The following TP63 variants were observed in gnomAD, a reference collection of about 807,000 sequenced individuals.
TP63 encodes tumor protein 63.
A neutral mutation model predicts 82.8 loss-of-function variants in TP63; 17 were observed. That is an observed-to-expected ratio of 0.21 (90% CI 0.14 to 0.31). The LOEUF (loss-of-function observed/expected upper bound fraction) is 0.31. Among genes scored for constraint, TP63 ranks in the 10% least tolerant of loss-of-function variants. The pLI is 1.00. For synonymous variants in TP63, 330 were observed against 321.7 expected, an observed-to-expected ratio of 1.03 and a Z score of -0.28; for missense variants, 648 against 895.3, an observed-to-expected ratio of 0.72 and a Z score of 3.52.
At chr3:189,698,494 G>T (rs1717559805) in intron 1 of TP63, among the ~76,000 whole-genome samples, 1 of 152,078 alleles carries the variant, frequency 6.6e-6, no homozygotes, top group Non-Finnish European at 1.5e-5. Flanking sequence ...AATAGAGAAT[G>T]TAATGATACC....
intron 4 of TP63, among the ~76,000 whole-genome samples, chr3:189,837,586 C>A (rs1480564609): frequency 1.4e-5 from 2 of 146,436 alleles, no homozygotes; most frequent in African/African-American, 2.5e-5. Context: ...ATGTGAATTT[C>A]AAATAAACCA....
intron 1 of TP63, among the ~76,000 whole-genome samples, chr3:189,725,638 G>A (rs1049878370): frequency 2.6e-5 from 4 of 152,068 alleles, no homozygotes; most frequent in African/African-American, 9.7e-5. Context: ...GCAATATGGG[G>A]GCAGATGGTG....
intron 1 of TP63, among the ~76,000 whole-genome samples, chr3:189,654,473 T>C (rs1473042561): frequency 6.6e-6 from 1 of 152,298 alleles, no homozygotes; most frequent in East Asian, 1.9e-4. Flanking sequence ...TTAGGAATTT[T>C]ACTAAGGAGT....
intron 1 of TP63, among the ~76,000 whole-genome samples, chr3:189,667,596 A>G (rs1714515361): frequency 6.6e-6 from 1 of 152,086 alleles, no homozygotes; most frequent in Non-Finnish European, 1.5e-5. Context: ...AATCTTTACA[A>G]GCTCAGGAAG....
At position 189,896,346 on chromosome 3, in the gene TP63, A is replaced by G. The variant is rs982903163; in HGVS notation, c.*1844A>G. On this transcript the variant is annotated 3_prime_UTR_variant, in exon 14 of 14. Coordinates refer to ENST00000264731, the MANE Select transcript of TP63 (RefSeq NM_003722.5). ...AGAACCACACTTGAAACCTTTTTTT[A>G]TCGTTTTTGTATTTTCATGAAAATA... is the stretch of plus-strand genomic sequence containing the variant. 13 of 199,566 alleles carry G rather than the reference A, an allele frequency of 6.5e-5. No individual in the cohort carries two copies. The highest frequency in any genetic ancestry group is 3.4e-4 in the African/African-American group (13 of 37,726). The allele number at this position is 199,566 out of a possible 1,614,324, so 12.4% of individuals were successfully genotyped here.
chr3:189,827,404 G>C (rs1217017116), intron 4 of TP63, among the ~76,000 whole-genome samples: 1 of 152,116 alleles, frequency 6.6e-6, no homozygotes, highest in African/African-American at 2.4e-5. Context: ...AGAGGCAGTA[G>C]CTTTGACCTT....
intron 4 of TP63, among the ~76,000 whole-genome samples, chr3:189,841,880 T>C (rs979873561): frequency 6.6e-6 from 1 of 152,222 alleles, no homozygotes; most frequent in African/African-American, 2.4e-5. Context: ...TGGGTGCCAC[T>C]GCGTGAGGCT....
chr3:189,689,690 CTA>C (rs1448700828), intron 1 of TP63, among the ~76,000 whole-genome samples: 2 of 152,082 alleles, frequency 1.3e-5, no homozygotes, highest in East Asian at 3.9e-4. Context: ...TAACATTGGT[CTA>C]TGTCCTAGAT....
the TP63 span, among the ~76,000 whole-genome samples, chr3:189,601,305 T>C: frequency 6.6e-6 from 1 of 152,232 alleles, no homozygotes; most frequent in Non-Finnish European, 1.5e-5. Flanking sequence ...ATGTGCTCAT[T>C]TACTCTCCTT....
intron 4 of TP63, among the ~76,000 whole-genome samples, chr3:189,831,844 T>C (rs1175419556): frequency 2.9e-5 from 4 of 138,350 alleles, no homozygotes; most frequent in Non-Finnish European, 6.2e-5. Flanking sequence ...TTTTTTTTTT[T>C]TTTGAGACGG....
chr3:189,599,271 A>G, the TP63 span, among the ~76,000 whole-genome samples: 1 of 152,196 alleles, frequency 6.6e-6, no homozygotes, highest in African/African-American at 2.4e-5. Flanking sequence ...ATTTCTTGTT[A>G]CAACCAGCCA....
At chr3:189,703,334 T>A (rs1241325640) in intron 1 of TP63, among the ~76,000 whole-genome samples, 2 of 152,102 alleles carry the variant, frequency 1.3e-5, no homozygotes, top group African/African-American at 4.8e-5. Flanking sequence ...CTCAGGAGGC[T>A]GAGGCAGGAG....
At chr3:189,780,020 G>C (rs80271271) in intron 3 of TP63, among the ~76,000 whole-genome samples, 3,831 of 152,252 alleles carry the variant, frequency 0.025, 158 homozygotes, top group African/African-American at 0.086. Context: ...TGAGTAAAAT[G>C]TTAACGGAGA....
intron 1 of TP63, among the ~76,000 whole-genome samples, chr3:189,638,244 C>T (rs541038354): frequency 3.7e-4 from 56 of 152,214 alleles, no homozygotes; most frequent in African/African-American, 1.3e-3. Context: ...TAGAAAACTG[C>T]GTTTTGTTTT....
the TP63 span, among the ~76,000 whole-genome samples, chr3:189,615,426 T>A: frequency 6.6e-6 from 1 of 152,248 alleles, no homozygotes; most frequent in Admixed American, 6.5e-5. Flanking sequence ...CTCTCATTAT[T>A]TATAATTGCT....
the TP63 span, among the ~76,000 whole-genome samples, chr3:189,610,868 A>C: frequency 6.6e-6 from 1 of 152,196 alleles, no homozygotes; most frequent in African/African-American, 2.4e-5. Context: ...TCATGGCAGA[A>C]GGCAAGGAGG....
At chr3:189,741,203 GA>G (rs1553825742) in intron 3 of TP63, among the ~76,000 whole-genome samples, 15,415 of 122,434 alleles carry the variant, frequency 0.13, 854 homozygotes, top group South Asian at 0.25. Flanking sequence ...TCTGTCTGTG[GA>G]AAAAAAAAAA....
At chr3:189,739,032 A>C (rs1412298408) in intron 3 of TP63, 7 of 520,912 alleles carry the variant, frequency 1.3e-5, no homozygotes, top group Non-Finnish European at 2.4e-5. Flanking sequence ...ATTGTTCCTC[A>C]TGTCAACCCC....
At chr3:189,599,286 G>A in the TP63 span, among the ~76,000 whole-genome samples, 3 of 152,066 alleles carry the variant, frequency 2.0e-5, no homozygotes, top group African/African-American at 7.2e-5. Context: ...CAGCCACTTT[G>A]CTTTCTCAAC....
Sources: gnomAD v4.1 joint callset for allele counts (sites outside exome capture counted in the v4.1 genomes callset) on GRCh38, gnomAD v4.1.1 for gene constraint, MANE v1.5 for transcripts, NCBI Gene and HGNC (gene_info 2026-07-23, HGNC 2026-07-21) for gene names.